CDH20: variants seen among roughly 807,000 people sequenced by gnomAD.
CDH20 encodes the protein cadherin-20.
CDH20 carries 29 observed loss-of-function variants against 74.2 expected under a neutral mutation model. The ratio of observed to expected loss-of-function variants is 0.39; its 90% confidence interval spans 0.29 to 0.53. CDH20 has a LOEUF of 0.53. CDH20 is among the 20% of genes least tolerant of loss of function. The probability of loss-of-function intolerance (pLI) is 0.69; values close to 1 mark genes in which losing one functional copy is unlikely to be tolerated. For synonymous variants in CDH20, 469 were observed against 405.4 expected, an observed-to-expected ratio of 1.16 and a Z score of -1.88; for missense variants, 988 against 1,048.3, an observed-to-expected ratio of 0.94 and a Z score of 0.79.
intron 1 of CDH20, among the ~76,000 whole-genome samples, chr18:61,358,680 C>T (rs1160674743): frequency 6.6e-6 from 1 of 152,102 alleles, no homozygotes; most frequent in African/African-American, 2.4e-5. Flanking sequence ...TACACTCTTA[C>T]CCATTTTTGA....
At chr18:61,485,833 G>C (rs1340477796) in intron 1 of CDH20, among the ~76,000 whole-genome samples, 1 of 152,132 alleles carries the variant, frequency 6.6e-6, no homozygotes, top group East Asian at 1.9e-4. Context: ...CAGCACTTTG[G>C]GAGGCCGAGG....
intron 1 of CDH20, among the ~76,000 whole-genome samples, chr18:61,396,155 T>G (rs975467738): frequency 6.6e-6 from 1 of 152,026 alleles, no homozygotes; most frequent in Non-Finnish European, 1.5e-5. Context: ...CACTTTAACC[T>G]TAATAGCTAT....
At chr18:61,339,213 G>A (rs1909854955) in intron 1 of CDH20, among the ~76,000 whole-genome samples, 1 of 152,010 alleles carries the variant, frequency 6.6e-6, no homozygotes, top group African/African-American at 2.4e-5. Flanking sequence ...CATATATGTT[G>A]TTAAAATGTA....
chr18:61,463,853 G>A (rs1051875532), intron 1 of CDH20, among the ~76,000 whole-genome samples: 1 of 152,054 alleles, frequency 6.6e-6, no homozygotes, highest in Non-Finnish European at 1.5e-5. Context: ...CAGATGCCTG[G>A]ACCAATGGGA....
chr18:61,530,708 C>T (rs1599150259), intron 7 of CDH20, among the ~76,000 whole-genome samples: 1 of 152,114 alleles, frequency 6.6e-6, no homozygotes, highest in Non-Finnish European at 1.5e-5. Context: ...ATGTTTGGAT[C>T]CCCTGAATTT....
intron 1 of CDH20, among the ~76,000 whole-genome samples, chr18:61,416,663 G>T (rs1912695157): frequency 1.3e-5 from 2 of 152,314 alleles, no homozygotes; most frequent in African/African-American, 2.4e-5. Flanking sequence ...ATTTTTACCA[G>T]GTGTCACCAA....
intron 6 of CDH20, among the ~76,000 whole-genome samples, chr18:61,508,655 G>T (rs191456207): frequency 6.6e-6 from 1 of 151,388 alleles, no homozygotes; most frequent in Non-Finnish European, 1.5e-5. Context: ...TTTCATGTTC[G>T]AGACAGAGTC....
intron 1 of CDH20, among the ~76,000 whole-genome samples, chr18:61,437,602 G>T (rs913110249): frequency 6.6e-6 from 1 of 152,114 alleles, no homozygotes; most frequent in African/African-American, 2.4e-5. Context: ...CTGGCAAATG[G>T]TTCAAAGAGG....
intron 1 of CDH20, among the ~76,000 whole-genome samples, chr18:61,364,484 G>T (rs1317943785): frequency 2.0e-5 from 3 of 152,116 alleles, no homozygotes; most frequent in Non-Finnish European, 4.4e-5. Flanking sequence ...AGCTAACTTT[G>T]TATTTTTAGT....
chr18:61,529,801 G>A (rs371864520), intron 7 of CDH20, among the ~76,000 whole-genome samples: 2 of 152,184 alleles, frequency 1.3e-5, no homozygotes. Flanking sequence ...AAATGAGGTA[G>A]ACAAAATGAA....
chr18:61,535,904 C>T (rs887032445), intron 7 of CDH20, among the ~76,000 whole-genome samples: 5 of 152,150 alleles, frequency 3.3e-5, no homozygotes, highest in African/African-American at 7.2e-5. Context: ...TAGCCAGATC[C>T]GGTCCATCCT....
intron 1 of CDH20, among the ~76,000 whole-genome samples, chr18:61,478,489 T>C (rs1910470673): frequency 6.6e-6 from 1 of 152,186 alleles, no homozygotes; most frequent in Non-Finnish European, 1.5e-5. Flanking sequence ...TCTGGGAATC[T>C]TTCCCTACCT....
At chr18:61,523,217 G>GA (rs139418851) in intron 6 of CDH20, among the ~76,000 whole-genome samples, 117,252 of 145,398 alleles carry the variant, frequency 0.81, 46,796 homozygotes, top group East Asian at 0.94. Context: ...AAATTTACAA[G>GA]AAAAAAAAAA....
In CDH20 at chr18:61,490,491, G is replaced by A; in HGVS notation, c.-63G>A. On this transcript the variant is annotated 5_prime_UTR_variant, in exon 2 of 12. Coordinates refer to ENST00000262717, the MANE Select transcript of CDH20 (RefSeq NM_031891.4). Reference sequence around the variant, plus strand: ...AAAAACTGTGTATTTTTTTAAATTTGGAAAATACTCAAGTTCCAGTTGCTT... The same window carrying A: ...AAAAACTGTGTATTTTTTTAAATTTAGAAAATACTCAAGTTCCAGTTGCTT... The A allele has an allele frequency of 6.6e-7, 1 of 1,525,952 alleles. No individual in the cohort carries two copies. 94.5% of individuals were successfully genotyped at this position (1,525,952 alleles called of 1,614,324 possible).
At chr18:61,382,202 T>C (rs1251222149) in intron 1 of CDH20, among the ~76,000 whole-genome samples, 2 of 152,230 alleles carry the variant, frequency 1.3e-5, no homozygotes, top group Non-Finnish European at 2.9e-5. Context: ...AAGTTTCTTA[T>C]AGTATTATTG....
chr18:61,339,245 G>A (rs1021918192), intron 1 of CDH20, among the ~76,000 whole-genome samples: 1 of 151,988 alleles, frequency 6.6e-6, no homozygotes, highest in African/African-American at 2.4e-5. Context: ...TATAAAAAAA[G>A]TGGTATTATC....
rs1208183177 is a variant in CDH20, at chr18:61,538,630, T to G, written c.1409-394T>G. On this transcript the variant is annotated intron_variant, in intron 8 of 11. Coordinates refer to ENST00000262717, the MANE Select transcript of CDH20 (RefSeq NM_031891.4). The stretch of plus-strand genomic sequence containing the variant: ...TTTGTTTTTGTTTTTGTTTTGTTTT[T>G]TTTTTTGAGACGGAGTCTTACTCTT... 4.2e-5 allele frequency among the ~76,000 whole-genome samples: 5 copies of G among 117,786 alleles called. No homozygotes were observed. In the East Asian group the frequency reaches 9.5e-4, roughly 22 times the overall value. The allele number at this position is 117,786 out of a possible 152,430, so 77.3% of individuals were successfully genotyped here.
chr18:61,360,821 G>T (rs1599035820), intron 1 of CDH20, among the ~76,000 whole-genome samples: 2 of 152,286 alleles, frequency 1.3e-5, no homozygotes, highest in East Asian at 3.9e-4. Context: ...CAAAGAAGTG[G>T]GGAACAGCAT....
intron 1 of CDH20, among the ~76,000 whole-genome samples, chr18:61,466,518 C>T (rs1909967481): frequency 6.6e-6 from 1 of 152,166 alleles, no homozygotes; most frequent in African/African-American, 2.4e-5. Flanking sequence ...ACGACTTTAC[C>T]TTCCACAGTT....
Sources: gnomAD v4.1 joint callset for allele counts (sites outside exome capture counted in the v4.1 genomes callset) on GRCh38, gnomAD v4.1.1 for gene constraint, MANE v1.5 for transcripts, NCBI Gene and HGNC (gene_info 2026-07-23, HGNC 2026-07-21) for gene names.